ARHGEF11: variants seen among roughly 807,000 people sequenced by gnomAD.
ARHGEF11 encodes the protein Rho guanine exchange factor (GEF) 11.
A neutral mutation model predicts 193.7 loss-of-function variants in ARHGEF11; 55 were observed. The ratio of observed to expected loss-of-function variants is 0.28; its 90% CI spans 0.23 to 0.36. ARHGEF11 has a LOEUF of 0.36. Ranked by LOEUF, ARHGEF11 falls within the 10% of genes least tolerant of loss-of-function variation. ARHGEF11 has a pLI of 1.00. For missense variants in ARHGEF11, 1,723 were observed against 2,005.6 expected, an observed-to-expected ratio of 0.86 and a Z score of 2.69; for synonymous variants, 693 against 768.0, an observed-to-expected ratio of 0.90 and a Z score of 1.62.
chr1:156,944,560 T>A, intron 30 of ARHGEF11, 127 bp from the exon 31 acceptor site: 12 of 984,538 alleles, frequency 1.2e-5, no homozygotes, highest in Non-Finnish European at 1.9e-5. Context: ...GTCCTTGCCC[T>A]TACTCTCTTG....
At chr1:157,023,765 CAAA>C (rs34617659) in intron 1 of ARHGEF11, among the ~76,000 whole-genome samples, 3 of 124,534 alleles carry the variant, frequency 2.4e-5, no homozygotes, top group Non-Finnish European at 1.7e-5. Context: ...GACTCCATCT[CAAA>C]AAAAAAAAAA....
rs1359706406 is a variant in ARHGEF11, at chr1:156,948,056, G to A, written c.2154-100C>T. On this transcript the variant is annotated intron_variant, in intron 24 of 40. Coordinates refer to ENST00000368194, the MANE Select transcript of ARHGEF11 (RefSeq NM_198236.3). This position sits in a 1 kb window ranked among gnomAD's most constrained non-coding sequence, Gnocchi z 4.2. ...CCCGACCTGCTTGCCCCATGCACAT[G>A]GGAAACCAGTGGGCCCAGAAGAGGA... The A allele has an allele frequency of 6.5e-7, 1 of 1,543,562 alleles. No homozygotes were observed. Among genetic ancestry groups the A allele is most frequent in the East Asian group, 2.3e-5 (1 of 43,504 alleles).
intron 17 of ARHGEF11, 81 bp downstream of exon 17, chr1:156,958,661 A>G: frequency 6.4e-7 from 1 of 1,571,856 alleles, no homozygotes; most frequent in Admixed American, 1.7e-5. Context: ...GAAGAGGGGG[A>G]GAGGTTGAAA....
chr1:156,958,234 C>T lies in ARHGEF11; in HGVS notation c.1503-419G>A, dbSNP rs80219186. 4.5e-3 allele frequency among the ~76,000 whole-genome samples: 691 copies of T among 152,240 alleles called. 2 individuals are homozygous for T. The highest frequency in any genetic ancestry group is 0.015 in the African/African-American group (637 of 41,538). On this transcript the variant is annotated intron_variant, in intron 17 of 40. Transcript: ENST00000368194. ...GCATCACAGGTGCCTATGACACTTT[C>T]GAAAATGGCGCTAGAAAAACATAAC...
At chr1:156,992,603 A>ATG (rs34381594) in intron 1 of ARHGEF11, among the ~76,000 whole-genome samples, 13 of 147,102 alleles carry the variant, frequency 8.8e-5, no homozygotes, top group South Asian at 4.4e-4. Context: ...GTGTATATAT[A>ATG]TGTGTGTGTG....
intron 15 of ARHGEF11, 117 bp downstream of exon 15, chr1:156,960,301 T>C: frequency 1.0e-6 from 1 of 971,686 alleles, no homozygotes; most frequent in Non-Finnish European, 1.6e-6. Flanking sequence ...TTTTCCTCTA[T>C]TACAGGACGG....
chr1:156,969,781 C>T (rs991433930), intron 9 of ARHGEF11, among the ~76,000 whole-genome samples: 1 of 152,226 alleles, frequency 6.6e-6, no homozygotes, highest in Non-Finnish European at 1.5e-5. Flanking sequence ...CTTACTAGCC[C>T]TTATCTATCC....
At chr1:156,955,215 T>C (rs74116940) in intron 20 of ARHGEF11, among the ~76,000 whole-genome samples, 2,941 of 152,200 alleles carry the variant, frequency 0.019, 97 homozygotes, top group African/African-American at 0.068. Context: ...AGATCAATGA[T>C]AGGATCAGTT....
intron 7 of ARHGEF11, among the ~76,000 whole-genome samples, chr1:156,976,754 T>A (rs557243873): frequency 6.6e-6 from 1 of 152,348 alleles, no homozygotes; most frequent in Admixed American, 6.5e-5. Context: ...ATATTCACTA[T>A]CCTAATCTAT....
chr1:157,001,443 C>T (rs1258640030), intron 1 of ARHGEF11, among the ~76,000 whole-genome samples: 2 of 152,246 alleles, frequency 1.3e-5, no homozygotes, highest in Non-Finnish European at 2.9e-5. Flanking sequence ...CACTCTGGAT[C>T]TCTCTGTTGT....
chr1:156,978,085 T>C, intron 6 of ARHGEF11, 119 bp downstream of exon 6: 1 of 1,428,054 alleles, frequency 7.0e-7, no homozygotes, highest in Admixed American at 2.4e-5. Flanking sequence ...GTCTTTCATA[T>C]GTCTTTTGGC....
intron 1 of ARHGEF11, among the ~76,000 whole-genome samples, chr1:157,040,966 G>A (rs1672669250): frequency 6.6e-6 from 1 of 152,142 alleles, no homozygotes; most frequent in African/African-American, 2.4e-5. Flanking sequence ...CTTTACATGA[G>A]GAAGCCAGAG....
chr1:156,948,468 A>G lies in ARHGEF11; in HGVS notation c.1956T>C (p.Ser652=), dbSNP rs745923478. 6.2e-7 allele frequency: 1 copy of G among 1,614,194 alleles called. No homozygotes were observed. The highest frequency in any genetic ancestry group is 1.1e-5 in the South Asian group (1 of 91,080). ...SSRSEIRLGR[S]ESLKGREEMK... is the part of the protein sequence containing the mutation. Reference sequence around the variant, plus strand: ...TCTCTTCCCGGCCCTTGAGGCTTTCAGAGCGGCCCAGGCGAATCTCTGAGC... The same window carrying G: ...TCTCTTCCCGGCCCTTGAGGCTTTCGGAGCGGCCCAGGCGAATCTCTGAGC... Residue 652 remains serine (S), a synonymous_variant, in exon 23 of 41, where the codon TCT becomes TCC. Transcript: ENST00000368194. The surrounding 1 kb of genome is among the most constrained non-coding windows in gnomAD (Gnocchi z 4.2).
chr1:157,006,080 A>G (rs1667785729), intron 1 of ARHGEF11, among the ~76,000 whole-genome samples: 1 of 152,212 alleles, frequency 6.6e-6, no homozygotes, highest in African/African-American at 2.4e-5. Flanking sequence ...GCATTCTTCA[A>G]TCCACTTGTG....
At chr1:156,951,042 T>C (rs1659016561) in intron 22 of ARHGEF11, among the ~76,000 whole-genome samples, 1 of 152,206 alleles carries the variant, frequency 6.6e-6, no homozygotes, top group African/African-American at 2.4e-5. Context: ...AACAGTCCAT[T>C]TGTAATCAAT....
At chr1:157,026,658 T>C (rs532848260) in intron 1 of ARHGEF11, among the ~76,000 whole-genome samples, 13 of 152,292 alleles carry the variant, frequency 8.5e-5, no homozygotes, top group South Asian at 4.1e-4. Flanking sequence ...GGTCAGAGCA[T>C]AGGTTCAATG....
In ARHGEF11 at chr1:156,939,677, A is replaced by G; in HGVS notation, c.3967T>C (p.Cys1323Arg). 6.2e-7 allele frequency: 1 copy of G among 1,614,084 alleles called. No homozygotes were observed. Among genetic ancestry groups the G allele is most frequent in the South Asian group, 1.1e-5 (1 of 91,088 alleles). Residue 1323 changes from cysteine (C) to arginine (R), a missense_variant, in exon 37 of 41, where the codon TGT becomes CGT. Around this residue, in one of 5 missense-constraint regions of ARHGEF11, gnomAD observed 360 missense variants for 344.4 expected, o/e 1.05. Coordinates refer to ENST00000368194, the MANE Select transcript of ARHGEF11 (RefSeq NM_198236.3). ...ERPEQEDMGLCSLEHLPPRTR... is the reference protein window; with the variant it reads ...ERPEQEDMGLRSLEHLPPRTR... ...CTTGGGGGTAGGTGTTCCAGAGAAC[A>G]GAGACCCATGTCTTCCTGCTCTGGC...
At chr1:157,038,831 C>A (rs1304298435) in intron 1 of ARHGEF11, among the ~76,000 whole-genome samples, 1 of 152,064 alleles carries the variant, frequency 6.6e-6, no homozygotes, top group East Asian at 1.9e-4. Context: ...GAGTTTGAGA[C>A]CACTCTGGGC....
At chr1:157,004,416 G>A (rs1024962980) in intron 1 of ARHGEF11, among the ~76,000 whole-genome samples, 3 of 152,170 alleles carry the variant, frequency 2.0e-5, no homozygotes, top group African/African-American at 7.2e-5. Context: ...TTTCCAGGAC[G>A]TGCTGGCTCT....
Sources: allele counts gnomAD v4.1 joint callset (sites outside exome capture counted in the v4.1 genomes callset), GRCh38; gene constraint gnomAD v4.1.1; regional missense constraint gnomAD v4.1.1; non-coding constraint Gnocchi (gnomAD v3.1); transcripts MANE v1.5; gene names NCBI Gene and HGNC (gene_info 2026-07-23, HGNC 2026-07-21).